The following ZFPM2 variants were observed in gnomAD, a reference collection of about 807,000 sequenced individuals.
ZFPM2 encodes zinc finger protein ZFPM2.
ZFPM2 carries 20 observed loss-of-function variants against 98.6 expected under a neutral mutation model. That is an observed-to-expected ratio of 0.20 (90% CI 0.14 to 0.29). The LOEUF (loss-of-function observed/expected upper bound fraction) is 0.29, where lower values mean the gene tolerates loss of function less well. Among genes scored for constraint, ZFPM2 ranks in the 10% least tolerant of loss-of-function variants. The probability of loss-of-function intolerance (pLI) is 1.00; values close to 1 mark genes in which losing one functional copy is unlikely to be tolerated. For missense variants in ZFPM2, 1,310 were observed against 1,388.6 expected, an observed-to-expected ratio of 0.94 and a Z score of 0.90; for synonymous variants, 518 against 502.7, an observed-to-expected ratio of 1.03 and a Z score of -0.41.
chr8:105,592,577 C>A (rs975675814), intron 4 of ZFPM2, among the ~76,000 whole-genome samples: 32 of 151,792 alleles, frequency 2.1e-4, no homozygotes, highest in African/African-American at 7.7e-4. Flanking sequence ...TTCTCATTTT[C>A]TTTTTTAGAC....
intron 5 of ZFPM2, among the ~76,000 whole-genome samples, chr8:105,725,239 C>A (rs750516487): frequency 1.3e-5 from 2 of 151,736 alleles, no homozygotes; most frequent in African/African-American, 4.8e-5. Context: ...GTGCATCAAC[C>A]TGGCATTTCC....
chr8:105,498,999 T>G (rs1365937200), intron 3 of ZFPM2, among the ~76,000 whole-genome samples: 1 of 152,044 alleles, frequency 6.6e-6, no homozygotes, highest in Non-Finnish European at 1.5e-5. Flanking sequence ...GAATATAAAG[T>G]GTAAGAAAAG....
In ZFPM2 at chr8:105,714,205, T is replaced by G. The variant is rs556650477; in HGVS notation, c.533-74513T>G. Among the ~76,000 whole-genome samples, 72 of 152,068 alleles carry G rather than the reference T, an allele frequency of 4.7e-4. 1 individual carries two copies. The highest frequency in any genetic ancestry group is 7.5e-4 in the Non-Finnish European group (51 of 67,936). ...GTTAGATGTATTCCTAGGGTGTGTGTGGGGAGGGACAGGGGGTTGCAATTG... is the reference window on the plus strand; with the variant it reads ...GTTAGATGTATTCCTAGGGTGTGTGGGGGGAGGGACAGGGGGTTGCAATTG... On this transcript the variant is annotated intron_variant, in intron 5 of 7. Transcript: ENST00000407775.
chr8:105,796,391 T>TAGTG (rs1331861256), intron 6 of ZFPM2, among the ~76,000 whole-genome samples: 1 of 150,572 alleles, frequency 6.6e-6, no homozygotes, highest in Non-Finnish European at 1.5e-5. Context: ...ATTCTGAAAT[T>TAGTG]AGTGAGTTAA....
chr8:105,594,961 T>C (rs1815937350), intron 4 of ZFPM2, among the ~76,000 whole-genome samples: 1 of 152,058 alleles, frequency 6.6e-6, no homozygotes, highest in Admixed American at 6.6e-5. Context: ...TGATGGAGGA[T>C]TCTATAAAAG....
chr8:105,542,111 A>T (rs1341074725), intron 3 of ZFPM2, among the ~76,000 whole-genome samples: 1 of 152,174 alleles, frequency 6.6e-6, no homozygotes, highest in Non-Finnish European at 1.5e-5. Flanking sequence ...GCAATTAATA[A>T]TTTTTATATG....
chr8:105,791,570 G>A (rs1813612487), intron 6 of ZFPM2, among the ~76,000 whole-genome samples: 1 of 152,080 alleles, frequency 6.6e-6, no homozygotes, highest in Non-Finnish European at 1.5e-5. Context: ...TTGTATCTCT[G>A]CCCGGCTTTG....
At chr8:105,682,126 C>T (rs577363313) in intron 5 of ZFPM2, among the ~76,000 whole-genome samples, 108 of 152,238 alleles carry the variant, frequency 7.1e-4, no homozygotes, top group Non-Finnish European at 1.8e-4. Flanking sequence ...ACATATCTTC[C>T]GTTCAAGCCA....
chr8:105,741,059 G>C (rs1239055905), intron 5 of ZFPM2, among the ~76,000 whole-genome samples: 1 of 152,050 alleles, frequency 6.6e-6, no homozygotes. Flanking sequence ...CAGAATAAAG[G>C]AGGAGGACAG....
At chr8:105,467,823 T>C (rs1335914049) in intron 3 of ZFPM2, among the ~76,000 whole-genome samples, 1 of 151,968 alleles carries the variant, frequency 6.6e-6, no homozygotes, top group African/African-American at 2.4e-5. Context: ...GTCTCCAGTC[T>C]CCAAGTCTCT....
chr8:105,769,409 C>T (rs188927905), intron 5 of ZFPM2, among the ~76,000 whole-genome samples: 1 of 152,124 alleles, frequency 6.6e-6, no homozygotes, highest in Admixed American at 6.6e-5. Context: ...GGGCCATGGC[C>T]AACTTCCTAC....
chr8:105,522,845 C>T (rs1232644661), intron 3 of ZFPM2, among the ~76,000 whole-genome samples: 1 of 151,952 alleles, frequency 6.6e-6, no homozygotes, highest in African/African-American at 2.4e-5. Flanking sequence ...AGCTGTGTAC[C>T]TTTGGAAGTT....
chr8:105,710,644 T>G (rs1334077090), intron 5 of ZFPM2, among the ~76,000 whole-genome samples: 1 of 150,684 alleles, frequency 6.6e-6, no homozygotes, highest in Non-Finnish European at 1.5e-5. Context: ...AATCTTAACA[T>G]TTCTAAAAAT....
intron 6 of ZFPM2, among the ~76,000 whole-genome samples, chr8:105,792,679 G>A (rs1282315034): frequency 6.6e-6 from 1 of 152,202 alleles, no homozygotes; most frequent in Non-Finnish European, 1.5e-5. Context: ...AATGTTGACA[G>A]TGGGGTGTTA....
chr8:105,650,937 T>C (rs115251994), intron 5 of ZFPM2, among the ~76,000 whole-genome samples: 2,425 of 152,228 alleles, frequency 0.016, 60 homozygotes, highest in African/African-American at 0.054. Context: ...TTATGCAAGC[T>C]TCTGCAAAGT....
At chr8:105,412,596 G>A (rs1811598753) in intron 1 of ZFPM2, among the ~76,000 whole-genome samples, 1 of 151,544 alleles carries the variant, frequency 6.6e-6, no homozygotes, top group Admixed American at 6.6e-5. Context: ...TAATAAAAAT[G>A]TTTCCTTCCT....
intron 3 of ZFPM2, among the ~76,000 whole-genome samples, chr8:105,471,292 C>T (rs1812898729): frequency 6.6e-6 from 1 of 151,990 alleles, no homozygotes; most frequent in Non-Finnish European, 1.5e-5. Context: ...TTTGGGGCCA[C>T]AAAGATGACA....
intron 7 of ZFPM2, among the ~76,000 whole-genome samples, chr8:105,799,739 A>G (rs1813945052): frequency 6.6e-6 from 1 of 152,210 alleles, no homozygotes. Flanking sequence ...ACATGGGACA[A>G]ACTAGGGACT....
chr8:105,336,688 C>CCACA (rs139930523), intron 1 of ZFPM2, among the ~76,000 whole-genome samples: 22,266 of 141,886 alleles, frequency 0.16, 1,770 homozygotes, highest in Admixed American at 0.22. Flanking sequence ...GTAATATACT[C>CCACA]CACACACACA....
Sources: allele counts gnomAD v4.1 joint callset (sites outside exome capture counted in the v4.1 genomes callset), GRCh38; gene constraint gnomAD v4.1.1; transcripts MANE v1.5; gene names NCBI Gene and HGNC (gene_info 2026-07-23, HGNC 2026-07-21).